NRXN3: variants seen among roughly 807,000 people sequenced by gnomAD.
The protein encoded by NRXN3 is neurexin III.
NRXN3 carries 32 observed loss-of-function variants against 137.6 expected under a neutral mutation model. The observed-to-expected ratio is 0.23, with a 90% confidence interval of 0.18 to 0.31. The LOEUF is 0.31. NRXN3 is among the 10% of genes least tolerant of loss of function. NRXN3 has a pLI of 1.00. For synonymous variants in NRXN3, 798 were observed against 784.5 expected, an observed-to-expected ratio of 1.02 and a Z score of -0.29; for missense variants, 1,574 against 2,062.5, an observed-to-expected ratio of 0.76 and a Z score of 4.59.
intron 15 of NRXN3, chr14:79,201,691 T>A (rs2066033365): frequency 6.6e-6 from 1 of 152,222 alleles, no homozygotes; most frequent in Non-Finnish European, 1.5e-5. Context: ...TGGCACTGTG[T>A]TCCAAGGGGA....
At chr14:78,647,320 C>T (rs1346290429) in intron 5 of NRXN3, among the ~76,000 whole-genome samples, 2 of 152,242 alleles carry the variant, frequency 1.3e-5, no homozygotes, top group African/African-American at 4.8e-5. Flanking sequence ...AGGCCCAACT[C>T]TGCTCTGTGC....
At chr14:78,322,081 G>A (rs1338242725) in intron 4 of NRXN3, among the ~76,000 whole-genome samples, 1 of 151,692 alleles carries the variant, frequency 6.6e-6, no homozygotes, top group Non-Finnish European at 1.5e-5. Flanking sequence ...CTGCATACCA[G>A]CCCTTTTTTT....
chr14:79,851,645 T>C (rs993235478), intron 20 of NRXN3, among the ~76,000 whole-genome samples: 2 of 152,162 alleles, frequency 1.3e-5, no homozygotes, highest in Admixed American at 6.6e-5. Flanking sequence ...GTGTCTTGCC[T>C]TTGTGGTTCG....
At chr14:78,674,910 C>T (rs2097984660) in intron 6 of NRXN3, among the ~76,000 whole-genome samples, 3 of 152,174 alleles carry the variant, frequency 2.0e-5, no homozygotes, top group Non-Finnish European at 4.4e-5. Flanking sequence ...GCTCTCTGTA[C>T]TTAAGAATAG....
At chr14:78,251,043 G>C (rs1025918724) in intron 2 of NRXN3, among the ~76,000 whole-genome samples, 4 of 152,086 alleles carry the variant, frequency 2.6e-5, no homozygotes, top group Admixed American at 2.6e-4. Context: ...CAAAACTCTG[G>C]TTTTAGTGAA....
chr14:78,840,091 G>C (rs983592125), intron 10 of NRXN3, among the ~76,000 whole-genome samples: 6 of 152,142 alleles, frequency 3.9e-5, no homozygotes, highest in Non-Finnish European at 8.8e-5. Flanking sequence ...CTTCTTTAGT[G>C]ACAGTTGTTT....
intron 4 of NRXN3, among the ~76,000 whole-genome samples, chr14:78,635,465 A>C (rs2097559556): frequency 6.6e-6 from 1 of 152,158 alleles, no homozygotes; most frequent in African/African-American, 2.4e-5. Flanking sequence ...ACTGTATATA[A>C]AAAACATTTC....
chr14:79,582,143 A>G lies in NRXN3; in HGVS notation c.3445-81635A>G, dbSNP rs78080435. On this transcript the variant is annotated intron_variant, in intron 16 of 20. Coordinates refer to ENST00000335750, the MANE Select transcript of NRXN3 (RefSeq NM_001330195.2). ...TTTTAAGTAGAGACAAAGTCTTGCT[A>G]TGTTGCACAGACTGGTCTCAAATTC... 0.022 allele frequency among the ~76,000 whole-genome samples: 3,307 copies of G among 152,246 alleles called. 201 individuals are homozygous for G. In the East Asian group the frequency reaches 0.25, roughly 11 times the overall value.
intron 4 of NRXN3, among the ~76,000 whole-genome samples, chr14:78,462,105 A>G (rs1022712883): frequency 1.3e-5 from 2 of 152,198 alleles, no homozygotes; most frequent in South Asian, 2.1e-4. Flanking sequence ...TGCCTGTTGC[A>G]GTGTGTTCAG....
At chr14:78,854,312 G>A (rs571187630) in intron 10 of NRXN3, among the ~76,000 whole-genome samples, 17 of 152,202 alleles carry the variant, frequency 1.1e-4, no homozygotes, top group East Asian at 9.7e-4. Context: ...TTACCTTGGC[G>A]GGCTAGTGGT....
chr14:79,423,099 T>C (rs1301732577), intron 15 of NRXN3, among the ~76,000 whole-genome samples: 1 of 152,170 alleles, frequency 6.6e-6, no homozygotes, highest in African/African-American at 2.4e-5. Context: ...GCTTCAACTC[T>C]GAATGAACAC....
intron 2 of NRXN3, among the ~76,000 whole-genome samples, chr14:78,260,814 C>T (rs1349305604): frequency 2.6e-5 from 4 of 152,144 alleles, no homozygotes; most frequent in East Asian, 1.9e-4. Context: ...TGCCCATTCT[C>T]GGGTATGTCT....
intron 15 of NRXN3, among the ~76,000 whole-genome samples, chr14:78,991,155 G>A (rs1056156651): frequency 3.9e-5 from 6 of 152,170 alleles, no homozygotes; most frequent in Non-Finnish European, 5.9e-5. Flanking sequence ...AGCTCATGGA[G>A]GAGGAAGAAT....
intron 19 of NRXN3, among the ~76,000 whole-genome samples, chr14:79,799,876 G>A (rs2099171810): frequency 6.6e-6 from 1 of 152,206 alleles, no homozygotes; most frequent in Admixed American, 6.5e-5. Context: ...TCCCAGAGCA[G>A]AGGAACTGTG....
chr14:79,618,862 TTTTG>T (rs1328717969), intron 16 of NRXN3, among the ~76,000 whole-genome samples: 6 of 152,124 alleles, frequency 3.9e-5, no homozygotes, highest in South Asian at 2.1e-4. Context: ...ACATCTGTTT[TTTTG>T]TTTGTTTGTT....
intron 6 of NRXN3, among the ~76,000 whole-genome samples, chr14:78,706,112 T>C (rs2098345448): frequency 2.0e-5 from 3 of 152,238 alleles, no homozygotes; most frequent in Admixed American, 2.0e-4. Flanking sequence ...TATTGTTCCA[T>C]GGAGCCAAAC....
Position 79,825,628 on chromosome 14 carries a change from A to G in NRXN3, c.4093+20438A>G, listed in dbSNP as rs1294010891. 2.0e-5 allele frequency among the ~76,000 whole-genome samples: 3 copies of G among 152,332 alleles called. No homozygotes were observed. The East Asian group carries it at 5.8e-4, about 29-fold the overall frequency. Reference sequence around the variant, plus strand: ...ATAAGTAAATAAAACTGTCTTTTCTAGAGTCCAACACATCCCAAAGTGTGT... The same window carrying G: ...ATAAGTAAATAAAACTGTCTTTTCTGGAGTCCAACACATCCCAAAGTGTGT... On this transcript the variant is annotated intron_variant, in intron 20 of 20. Coordinates refer to ENST00000335750, the MANE Select transcript of NRXN3 (RefSeq NM_001330195.2).
chr14:79,769,461 C>T (rs2139706907), intron 19 of NRXN3, among the ~76,000 whole-genome samples: 1 of 152,122 alleles, frequency 6.6e-6, no homozygotes, highest in East Asian at 1.9e-4. Flanking sequence ...AGAGTGGGGG[C>T]CAATATTCAA....
At chr14:78,920,504 T>C (rs373587693) in intron 10 of NRXN3, among the ~76,000 whole-genome samples, 1 of 152,228 alleles carries the variant, frequency 6.6e-6, no homozygotes, top group African/African-American at 2.4e-5. Flanking sequence ...CAACCACTTC[T>C]CCAATTCTCT....
Sources: allele counts gnomAD v4.1 joint callset (sites outside exome capture counted in the v4.1 genomes callset), GRCh38; gene constraint gnomAD v4.1.1; transcripts MANE v1.5; gene names NCBI Gene and HGNC (gene_info 2026-07-23, HGNC 2026-07-21).